RPGRIP1: variants seen among roughly 807,000 people sequenced by gnomAD.
The protein encoded by RPGRIP1 is X-linked retinitis pigmentosa GTPase regulator-interacting protein 1.
A neutral mutation model predicts 157.9 loss-of-function variants in RPGRIP1; 128 were observed. The ratio of observed to expected loss-of-function variants is 0.81; its 90% CI spans 0.70 to 0.94. RPGRIP1 has a LOEUF of 0.94. Ranked by LOEUF, RPGRIP1 falls within the 40% of genes least tolerant of loss-of-function variation. RPGRIP1 has a pLI of 0.00. For missense variants in RPGRIP1, 1,486 were observed against 1,545.8 expected (o/e 0.96, Z 0.65); for synonymous variants, 554 against 571.6 (o/e 0.97, Z 0.44).
At chr14:21,342,419 C>T (rs1885103678) in intron 21 of RPGRIP1, among the ~76,000 whole-genome samples, 2 of 151,690 alleles carry the variant, frequency 1.3e-5, no homozygotes, top group African/African-American at 4.8e-5. Flanking sequence ...GGTGGTGTAC[C>T]TGTGGTCCTA....
chr14:21,348,773 C>CTCCTGCCTCAGCT (rs1362626213), intron 24 of RPGRIP1, among the ~76,000 whole-genome samples: 2 of 147,664 alleles, frequency 1.4e-5, no homozygotes, highest in Non-Finnish European at 1.5e-5. Context: ...TCCAGCTGTT[C>CTCCTGCCTCAGCT]TCCTGCCTCA....
chr14:21,294,727 T>C lies in RPGRIP1; in HGVS notation c.136T>C (p.Leu46=), dbSNP rs777888377. The change falls in exon 3 of 25, where the codon TTG becomes CTG. Residue 46 remains leucine, a synonymous_variant. Coordinates refer to ENST00000400017, the MANE Select transcript of RPGRIP1 (RefSeq NM_020366.4). The part of the protein sequence containing the change: ...PPLSRMNREE[L]EDSFFRLRED... ...CTTGAGCAGGATGAACCGGGAGGAATTGGAGGACAGTTTCTTTCGACTTCG... is the reference window on the plus strand; with the variant it reads ...CTTGAGCAGGATGAACCGGGAGGAACTGGAGGACAGTTTCTTTCGACTTCG... 14 of 1,613,288 alleles carry C rather than the reference T, an allele frequency of 8.7e-6. No individual in the cohort carries two copies. The highest frequency in any genetic ancestry group is 2.2e-5 in the East Asian group (1 of 44,864).
intron 1 of RPGRIP1, among the ~76,000 whole-genome samples, chr14:21,281,649 G>A (rs1028259790): frequency 1.3e-5 from 2 of 148,360 alleles, no homozygotes; most frequent in African/African-American, 2.5e-5. Context: ...AGAGCATACC[G>A]CTGTACTCCA....
chr14:21,299,138 C>T (rs1299641399), intron 3 of RPGRIP1, among the ~76,000 whole-genome samples: 1 of 151,692 alleles, frequency 6.6e-6, no homozygotes, highest in Non-Finnish European at 1.5e-5. Flanking sequence ...GCCTCAGCCT[C>T]CCAAGTAGCT....
At chr14:21,295,143 C>T (rs1315279463) in intron 3 of RPGRIP1, among the ~76,000 whole-genome samples, 1 of 151,674 alleles carries the variant, frequency 6.6e-6, no homozygotes, top group Non-Finnish European at 1.5e-5. Flanking sequence ...TCTGCCCGGC[C>T]CAAAAATAAT....
chr14:21,333,804 A>C (rs1439524948), intron 20 of RPGRIP1, among the ~76,000 whole-genome samples: 2 of 152,186 alleles, frequency 1.3e-5, no homozygotes, highest in African/African-American at 4.8e-5. Context: ...GAGACAGTCC[A>C]AAAGATCCAC....
chr14:21,330,215 C>T, intron 19 of RPGRIP1, 34 bp from the exon 20 acceptor site: 2 of 1,444,786 alleles, frequency 1.4e-6, no homozygotes, highest in Non-Finnish European at 1.8e-6. Context: ...CAAGATATTA[C>T]CAGCTATGTA....
rs539083010 is a variant in RPGRIP1, at chr14:21,306,112, C to CTTT, written c.801-1584_801-1582dup. On this transcript the variant is annotated intron_variant, in intron 6 of 24. Coordinates refer to ENST00000400017, the MANE Select transcript of RPGRIP1 (RefSeq NM_020366.4). Reference sequence around the variant, plus strand: ...AGCTCCTAGGTTCAGGAATAATAGTCTTTTTTTTTTTTTTTTTTTTTTTTT... The same window carrying CTTT: ...AGCTCCTAGGTTCAGGAATAATAGTCTTTTTTTTTTTTTTTTTTTTTTTTTTTT... Among the ~76,000 whole-genome samples, 17 of 44,828 alleles carry CTTT rather than the reference C, an allele frequency of 3.8e-4. 5 individuals are homozygous for CTTT. The highest frequency in any genetic ancestry group is 1.6e-3 in the Admixed American group (4 of 2,510). The allele number at this position is 44,828 out of a possible 152,430, so 29.4% of individuals were successfully genotyped here.
chr14:21,337,631 G>A (rs910562847), intron 21 of RPGRIP1, among the ~76,000 whole-genome samples: 4 of 151,360 alleles, frequency 2.6e-5, no homozygotes, highest in Non-Finnish European at 2.9e-5. Context: ...TAGTAGAGAC[G>A]GAGTTTCACT....
Position 21,303,358 on chromosome 14 carries a change from T to G in RPGRIP1, c.615T>G (p.Ser205=). 6.2e-7 allele frequency: 1 copy of G among 1,613,528 alleles called. No homozygotes were observed. The highest frequency in any genetic ancestry group is 8.5e-7 in the Non-Finnish European group (1 of 1,179,616). Residue 205 remains serine, a synonymous_variant, in exon 6 of 25, where the codon TCT becomes TCG. Coordinates refer to ENST00000400017, the MANE Select transcript of RPGRIP1 (RefSeq NM_020366.4). ...TTTCTGGTTCTAACAGCATAATTTC[T>G]TTCAGCAGTGTCATAAGTATGGCTA... ...ELVSGSNSII[S]FSSVISMAKP...
intron 14 of RPGRIP1, 24 bp from the exon 15 acceptor site, chr14:21,324,594 T>C (rs1300632700): frequency 6.3e-7 from 1 of 1,595,510 alleles, no homozygotes; most frequent in Non-Finnish European, 8.6e-7. Flanking sequence ...CTTTAACGGA[T>C]AGGCAGCTTT....
chr14:21,322,138 C>T, intron 14 of RPGRIP1, 134 bp downstream of exon 14: 2 of 697,402 alleles, frequency 2.9e-6, no homozygotes, highest in Non-Finnish European at 2.2e-6. Flanking sequence ...GTTCTTTATC[C>T]TATCATTTTT....
chr14:21,324,577 C>T (rs1275693885), intron 14 of RPGRIP1, 41 bp from the exon 15 acceptor site: 3 of 1,518,364 alleles, frequency 2.0e-6, no homozygotes, highest in African/African-American at 2.7e-5. Flanking sequence ...AGAAAGAGCT[C>T]CCTACCCTTT....
intron 10 of RPGRIP1, among the ~76,000 whole-genome samples, chr14:21,312,957 C>CCA (rs1343311454): frequency 1.3e-5 from 2 of 152,008 alleles, no homozygotes; most frequent in Non-Finnish European, 1.5e-5. Context: ...CTCAGCCTCC[C>CCA]CAGTAGCTGG....
At chr14:21,324,298 T>G in intron 14 of RPGRIP1, 1 of 397,974 alleles carries the variant, frequency 2.5e-6, no homozygotes, top group Non-Finnish European at 4.7e-6. Flanking sequence ...TACCAGTTAA[T>G]CATAGGGCCA....
chr14:21,344,344 A>C (rs543573799), intron 22 of RPGRIP1, among the ~76,000 whole-genome samples: 65 of 152,144 alleles, frequency 4.3e-4, no homozygotes, highest in Non-Finnish European at 8.4e-4. Context: ...ATTTTGAAAT[A>C]ATCAAACCTG....
chr14:21,327,858 C>A (rs1883276751), intron 18 of RPGRIP1, 51 bp downstream of exon 18: 6 of 1,394,174 alleles, frequency 4.3e-6, no homozygotes, highest in Non-Finnish European at 5.8e-6. Context: ...TCCTATGGAG[C>A]AGATTTGAAG....
intron 2 of RPGRIP1, among the ~76,000 whole-genome samples, chr14:21,292,238 G>T (rs779783549): frequency 4.0e-5 from 6 of 151,892 alleles, no homozygotes; most frequent in Non-Finnish European, 5.9e-5. Context: ...ATATGGTCAT[G>T]TTATAATTTT....
chr14:21,320,766 A>AT (rs1460247837), intron 12 of RPGRIP1, among the ~76,000 whole-genome samples: 1 of 150,166 alleles, frequency 6.7e-6, no homozygotes, highest in East Asian at 2.0e-4. Context: ...CAGCCGGCTA[A>AT]TTTTTTGTAT....
Sources: allele counts gnomAD v4.1 joint callset (sites outside exome capture counted in the v4.1 genomes callset), GRCh38; gene constraint gnomAD v4.1.1; transcripts MANE v1.5; gene names NCBI Gene and HGNC (gene_info 2026-07-23, HGNC 2026-07-21).